The following HOOK1 variants were observed in gnomAD, a reference collection of about 807,000 sequenced individuals.
HOOK1 encodes hook microtubule tethering protein 1, also known as protein Hook homolog 1.
A neutral mutation model predicts 112.8 loss-of-function variants in HOOK1; 60 were observed. That is an observed-to-expected ratio of 0.53 (90% CI 0.43 to 0.66). The LOEUF (loss-of-function observed/expected upper bound fraction) is 0.66, where lower values mean the gene tolerates loss of function less well. HOOK1 is among the 30% of genes least tolerant of loss of function. The pLI, the probability that HOOK1 is intolerant of heterozygous loss-of-function variation, is 0.00. For missense variants in HOOK1, 770 were observed against 856.0 expected (o/e 0.90, Z 1.25); for synonymous variants, 294 against 283.8 (o/e 1.04, Z -0.36).
intron 16 of HOOK1, among the ~76,000 whole-genome samples, chr1:59,863,549 T>A (rs1412583971): frequency 1.3e-5 from 2 of 152,128 alleles, no homozygotes; most frequent in Non-Finnish European, 2.9e-5. Flanking sequence ...TTTTCTACAG[T>A]TTGATCTTTT....
At chr1:59,840,502 G>C in intron 8 of HOOK1, 111 bp downstream of exon 8, 2 of 488,854 alleles carry the variant, frequency 4.1e-6, no homozygotes, top group Non-Finnish European at 6.9e-6. Context: ...TTGACTTCAT[G>C]GAGGTAACAT....
At chr1:59,842,922 A>G (rs1265494747) in intron 8 of HOOK1, among the ~76,000 whole-genome samples, 1 of 152,082 alleles carries the variant, frequency 6.6e-6, no homozygotes, top group Admixed American at 6.6e-5. Context: ...GTACAAATGG[A>G]AACAGCTTAG....
rs370115211 is a variant in HOOK1, at chr1:59,865,154, A to G, written c.1662-9A>G. 12 of 1,566,400 alleles carry G rather than the reference A, an allele frequency of 7.7e-6. No homozygotes were observed. The African/African-American group carries it at 1.2e-4, about 16-fold the overall frequency. Reference sequence around the variant, plus strand: ...AGAGACCAGTCTCCATGCTTTTTCTACCACTTAGGGAAAAACTCACAGAGG... The same window carrying G: ...AGAGACCAGTCTCCATGCTTTTTCTGCCACTTAGGGAAAAACTCACAGAGG... On this transcript the variant is annotated splice_polypyrimidine_tract_variant and intron_variant, in intron 17 of 21. Coordinates refer to ENST00000371208, the MANE Select transcript of HOOK1 (RefSeq NM_015888.6).
rs540739052 is a variant in HOOK1, at chr1:59,848,365, G to T, written c.980G>T (p.Arg327Leu). ...NKLESTVEIY[R>L]QKLQDLNDLR... ...CTGGAGTCAACAGTTGAGATATATCGTCAGAAGCTACAAGATCTGAATGAC... is the reference window on the plus strand; with the variant it reads ...CTGGAGTCAACAGTTGAGATATATCTTCAGAAGCTACAAGATCTGAATGAC... The change falls in exon 11 of 22, where the codon CGT (arginine) becomes CTT (leucine). Residue 327 changes from arginine to leucine, a missense_variant. Around this residue, in one of 3 missense-constraint regions of HOOK1, gnomAD observed 655 missense variants for 725.9 expected, o/e 0.90. Transcript: ENST00000371208. 1 of 1,610,986 alleles carries T rather than the reference G, an allele frequency of 6.2e-7. No individual in the cohort carries two copies. The highest frequency in any genetic ancestry group is 1.7e-5 in the Admixed American group (1 of 59,790).
At chr1:59,835,445 A>C in intron 6 of HOOK1, 33 bp downstream of exon 6, 1 of 1,214,600 alleles carries the variant, frequency 8.2e-7, no homozygotes, top group Non-Finnish European at 1.2e-6. Context: ...GAGTATAAAA[A>C]TCCTAAACCA....
intron 15 of HOOK1, among the ~76,000 whole-genome samples, chr1:59,862,387 G>T (rs2098414103): frequency 6.6e-6 from 1 of 152,054 alleles, no homozygotes; most frequent in African/African-American, 2.4e-5. Flanking sequence ...TTGGAAAATG[G>T]TGACCTTCCT....
chr1:59,842,520 A>G (rs140673718), intron 8 of HOOK1, among the ~76,000 whole-genome samples: 238 of 152,226 alleles, frequency 1.6e-3, no homozygotes, highest in African/African-American at 5.4e-3. Flanking sequence ...ACTTGCCTAT[A>G]TACTGTGTTC....
At chr1:59,859,521 A>G (rs986177786) in intron 14 of HOOK1, among the ~76,000 whole-genome samples, 7 of 152,140 alleles carry the variant, frequency 4.6e-5, no homozygotes, top group African/African-American at 9.6e-5. Flanking sequence ...GAGTTATACT[A>G]TTGGCATTCA....
At chr1:59,821,036 T>C (rs1352575270) in intron 1 of HOOK1, among the ~76,000 whole-genome samples, 1 of 152,172 alleles carries the variant, frequency 6.6e-6, no homozygotes, top group African/African-American at 2.4e-5. Flanking sequence ...GATAGTTAAA[T>C]GGTAAACTAA....
At chr1:59,835,556 C>A in intron 6 of HOOK1, 144 bp downstream of exon 6, 2 of 557,686 alleles carry the variant, frequency 3.6e-6, no homozygotes, top group Non-Finnish European at 6.4e-6. Context: ...CCTTTTTTAC[C>A]CCCAAAAATA....
chr1:59,862,822 T>C lies in HOOK1; in HGVS notation c.1571T>C (p.Ile524Thr), dbSNP rs2098414320. 1.9e-6 allele frequency: 3 copies of C among 1,612,224 alleles called. No individual in the cohort carries two copies. In the African/African-American group the frequency reaches 4.0e-5, roughly 22 times the overall value. ...KERIRELQQQ[I>T]EDLQKSLQEQ... ...CGTATTAGAGAATTGCAGCAGCAGA[T>C]TGAGGACCTCCAGAAATCTTTACAG... The change falls in exon 16 of 22, where the codon ATT becomes ACT. Residue 524 changes from isoleucine (I) to threonine (T), a missense_variant. This residue lies in a region of HOOK1 where 655 missense variants were observed against 725.9 expected (regional missense o/e 0.90). Transcript: ENST00000371208.
chr1:59,822,868 T>C (rs904273972), intron 2 of HOOK1, among the ~76,000 whole-genome samples: 5 of 152,234 alleles, frequency 3.3e-5, no homozygotes, highest in African/African-American at 1.2e-4. Flanking sequence ...CCTACTTGTT[T>C]AGAATCTTCA....
chr1:59,854,026 ATATATATATATATTTTTTTTTTTTT>A (rs1327542329), intron 12 of HOOK1, among the ~76,000 whole-genome samples: 38 of 22,712 alleles, frequency 1.7e-3, no homozygotes, highest in African/African-American at 6.9e-3. Context: ...ATATATATAT[ATATATATATATATTTTTTTTTTTTT>A]TTTTTTTTTT....
intron 7 of HOOK1, among the ~76,000 whole-genome samples, chr1:59,838,381 G>A (rs189259055): frequency 3.3e-5 from 5 of 152,104 alleles, no homozygotes; most frequent in East Asian, 3.9e-4. Context: ...TTTAATGTTC[G>A]CCATTCTAAC....
At chr1:59,852,651 C>T (rs1390398132) in intron 12 of HOOK1, among the ~76,000 whole-genome samples, 1 of 149,586 alleles carries the variant, frequency 6.7e-6, no homozygotes, top group Non-Finnish European at 1.5e-5. Flanking sequence ...TATTTTTACT[C>T]TAATCTTTAA....
At chr1:59,836,821 A>T in intron 6 of HOOK1, 52 bp from the exon 7 acceptor site, 2 of 1,009,504 alleles carry the variant, frequency 2.0e-6, no homozygotes, top group Non-Finnish European at 3.0e-6. Flanking sequence ...AATATATTTT[A>T]CTTCATAAAC....
chr1:59,857,948 C>T (rs761987656), intron 12 of HOOK1, among the ~76,000 whole-genome samples: 1 of 152,172 alleles, frequency 6.6e-6, no homozygotes, highest in African/African-American at 2.4e-5. Flanking sequence ...TAGTCTCCAG[C>T]GTCTCTTACA....
intron 12 of HOOK1, among the ~76,000 whole-genome samples, chr1:59,854,087 T>C (rs1419552456): frequency 7.9e-6 from 1 of 127,208 alleles, no homozygotes; most frequent in Non-Finnish European, 1.6e-5. Context: ...AGTCTCCCTC[T>C]GTTGCCCAGG....
At chr1:59,826,875 G>A (rs1371997017) in intron 2 of HOOK1, among the ~76,000 whole-genome samples, 1 of 152,216 alleles carries the variant, frequency 6.6e-6, no homozygotes, top group Admixed American at 6.5e-5. Context: ...CGATGCTCCT[G>A]CCTCAGCCTC....
Sources: gnomAD v4.1 joint callset for allele counts (sites outside exome capture counted in the v4.1 genomes callset) on GRCh38, gnomAD v4.1.1 for gene constraint, gnomAD v4.1.1 regional missense constraint, MANE v1.5 for transcripts, NCBI Gene and HGNC (gene_info 2026-07-23, HGNC 2026-07-21) for gene names.